The following POLR3B variants were observed in gnomAD, a reference collection of about 807,000 sequenced individuals.
POLR3B encodes RNA polymerase III subunit B.
In POLR3B, 96 loss-of-function variants were observed where a neutral mutation model predicts 147.4. The ratio of observed to expected loss-of-function variants is 0.65; its 90% CI spans 0.55 to 0.77. The LOEUF (loss-of-function observed/expected upper bound fraction) is 0.77. Among genes scored for constraint, POLR3B ranks in the 30% least tolerant of loss-of-function variants. The pLI, the probability that POLR3B is intolerant of heterozygous loss-of-function variation, is 0.00. For synonymous variants in POLR3B, 461 were observed against 485.9 expected (o/e 0.95, Z 0.67); for missense variants, 1,036 against 1,413.5 (o/e 0.73, Z 4.28).
At chr12:106,472,452 T>A (rs1453577899) in intron 23 of POLR3B, among the ~76,000 whole-genome samples, 3 of 147,848 alleles carry the variant, frequency 2.0e-5, no homozygotes, top group African/African-American at 7.4e-5. Context: ...ACTTCCACAA[T>A]GGTTGAACTA....
At chr12:106,448,058 G>T (rs2037745672) in intron 19 of POLR3B, among the ~76,000 whole-genome samples, 1 of 151,988 alleles carries the variant, frequency 6.6e-6, no homozygotes, top group African/African-American at 2.4e-5. Context: ...TGTTTGATTT[G>T]ATTTTTAGCA....
chr12:106,459,635 G>A lies in POLR3B; in HGVS notation c.2570+267G>A, dbSNP rs527326632. 2.0e-5 allele frequency among the ~76,000 whole-genome samples: 3 copies of A among 152,334 alleles called. No individual in the cohort carries two copies. In the South Asian group the frequency reaches 6.2e-4, roughly 32 times the overall value. On this transcript the variant is annotated intron_variant, in intron 22 of 27. Coordinates refer to ENST00000228347, the MANE Select transcript of POLR3B (RefSeq NM_018082.6). ...GATGAAGGGCACATGGCATAAAAGT[G>A]CCTGGGTTTTGGAGGATCAGTGTAG... is the stretch of plus-strand genomic sequence containing the variant.
At chr12:106,414,922 A>G (rs1475039455) in intron 12 of POLR3B, among the ~76,000 whole-genome samples, 1 of 152,118 alleles carries the variant, frequency 6.6e-6, no homozygotes, top group African/African-American at 2.4e-5. Flanking sequence ...TTGAATTCTG[A>G]TATTCTTTCT....
chr12:106,386,428 C>CT (rs370770207), intron 9 of POLR3B, among the ~76,000 whole-genome samples: 3,499 of 147,308 alleles, frequency 0.024, 143 homozygotes, highest in African/African-American at 0.081. Flanking sequence ...ATCCAAAGGA[C>CT]TTTTTTTTTT....
chr12:106,405,740 G>T (rs2037142874), intron 10 of POLR3B, 117 bp from the exon 11 acceptor site: 1 of 981,672 alleles, frequency 1.0e-6, no homozygotes, highest in Non-Finnish European at 1.6e-6. Context: ...ACCCAGTACA[G>T]CTTTCTCTAT....
chr12:106,430,536 G>GATT, intron 14 of POLR3B, 63 bp downstream of exon 14: 1 of 1,310,922 alleles, frequency 7.6e-7, no homozygotes, highest in Non-Finnish European at 1.1e-6. Flanking sequence ...TGCATGGGGT[G>GATT]GGGTGGGGAG....
intron 6 of POLR3B, among the ~76,000 whole-genome samples, chr12:106,375,249 C>T (rs2036661812): frequency 6.6e-6 from 1 of 152,122 alleles, no homozygotes; most frequent in Admixed American, 6.6e-5. Flanking sequence ...TTTTTTCTGG[C>T]TGGGTTTTAA....
chr12:106,496,709 G>C, intron 24 of POLR3B, 43 bp from the exon 25 acceptor site: 2 of 1,577,134 alleles, frequency 1.3e-6, no homozygotes, highest in African/African-American at 2.7e-5. Flanking sequence ...GAGAGTGCTT[G>C]TGCCACAGGG....
chr12:106,444,503 G>T lies in POLR3B; in HGVS notation c.1996G>T (p.Gly666Cys), dbSNP rs1261992440. Reference protein sequence around the residue: ...HLEIEPFTLLGVCAGLIPYPH... With the variant: ...HLEIEPFTLLCVCAGLIPYPH... ...GGAGATTGAACCCTTCACTCTTCTC[G>T]GCGTGTGTGCTGGACTTATCCCATA... is the stretch of plus-strand genomic sequence containing the variant. Residue 666 changes from glycine (G) to cysteine (C), a missense_variant, in exon 19 of 28, where the codon GGC becomes TGC. Physicochemically the swap from Gly to Cys is radical, Grantham distance 159. This residue lies in a region of POLR3B where 177 missense variants were observed against 232.7 expected (regional missense o/e 0.76). Transcript: ENST00000228347. The T allele has an allele frequency of 6.2e-7, 1 of 1,613,232 alleles. No individual in the cohort carries two copies. Among genetic ancestry groups the T allele is most frequent in the African/African-American group, 1.3e-5 (1 of 74,666 alleles).
chr12:106,477,997 C>T (rs1273523130), intron 23 of POLR3B, among the ~76,000 whole-genome samples: 7 of 146,686 alleles, frequency 4.8e-5, no homozygotes, highest in African/African-American at 1.5e-4. Flanking sequence ...CTCCACCTCC[C>T]GGGTTCAAGC....
At chr12:106,387,079 CCTTT>C (rs940854797) in intron 9 of POLR3B, among the ~76,000 whole-genome samples, 6 of 152,126 alleles carry the variant, frequency 3.9e-5, no homozygotes, top group Non-Finnish European at 5.9e-5. Context: ...CAGACTTCTC[CCTTT>C]CTGATTATAA....
At chr12:106,418,916 A>G (rs971887247) in intron 12 of POLR3B, among the ~76,000 whole-genome samples, 7 of 152,198 alleles carry the variant, frequency 4.6e-5, no homozygotes, top group African/African-American at 1.7e-4. Context: ...TTACTTCTTT[A>G]GTACCAAGGA....
At chr12:106,359,483 C>T (rs539846287) in intron 1 of POLR3B, among the ~76,000 whole-genome samples, 1 of 152,082 alleles carries the variant, frequency 6.6e-6, no homozygotes, top group East Asian at 1.9e-4. Context: ...AGGCGCCCAC[C>T]ATCACCGCCA....
intron 22 of POLR3B, among the ~76,000 whole-genome samples, chr12:106,461,797 GC>G (rs1489737737): frequency 6.6e-6 from 1 of 152,028 alleles, no homozygotes; most frequent in Non-Finnish European, 1.5e-5. Context: ...CTCACTCTTA[GC>G]CTCCCATCCT....
intron 9 of POLR3B, among the ~76,000 whole-genome samples, chr12:106,380,450 G>C (rs2036746397): frequency 6.6e-6 from 1 of 151,764 alleles, no homozygotes; most frequent in African/African-American, 2.4e-5. Flanking sequence ...GAGTGTGGTG[G>C]TGTGCATCTC....
chr12:106,487,305 T>C (rs1224993351), intron 23 of POLR3B, among the ~76,000 whole-genome samples: 2 of 152,238 alleles, frequency 1.3e-5, no homozygotes, highest in African/African-American at 4.8e-5. Context: ...CATGCCAGAA[T>C]AAGAGCAGTG....
At chr12:106,492,273 G>A (rs2038416750) in intron 23 of POLR3B, among the ~76,000 whole-genome samples, 1 of 151,852 alleles carries the variant, frequency 6.6e-6, no homozygotes, top group Admixed American at 6.6e-5. Flanking sequence ...TTAGAATTAG[G>A]AATACTTTTT....
In POLR3B at chr12:106,364,636, C is replaced by T. The variant is rs547829287; in HGVS notation, c.105+734C>T. Among the ~76,000 whole-genome samples the T allele has an allele frequency of 1.1e-4, 16 of 152,330 alleles. No individual in the cohort carries two copies. The East Asian group carries it at 3.1e-3, about 29-fold the overall frequency. On this transcript the variant is annotated intron_variant, in intron 2 of 27. Coordinates refer to ENST00000228347, the MANE Select transcript of POLR3B (RefSeq NM_018082.6). ...AGAGACATGAAAACATGTGTCCATG[C>T]AGAAACCTGTACACAAATGCTCATA...
intron 14 of POLR3B, among the ~76,000 whole-genome samples, chr12:106,431,348 C>T (rs143291712): frequency 4.6e-5 from 7 of 152,272 alleles, no homozygotes; most frequent in African/African-American, 1.7e-4. Context: ...AACTTTGAAA[C>T]ATTTCATTTC....
Sources: allele counts gnomAD v4.1 joint callset (sites outside exome capture counted in the v4.1 genomes callset), GRCh38; gene constraint gnomAD v4.1.1; regional missense constraint gnomAD v4.1.1; transcripts MANE v1.5; gene names NCBI Gene and HGNC (gene_info 2026-07-23, HGNC 2026-07-21).